The following SUSD5 variants were observed in gnomAD, a reference collection of about 807,000 sequenced individuals.
SUSD5 encodes the protein sushi domain-containing protein 5.
In SUSD5, 33 loss-of-function variants were observed where a neutral mutation model predicts 29.5. The observed-to-expected ratio is 1.12, with a 90% CI of 0.85 to 1.49. The LOEUF (loss-of-function observed/expected upper bound fraction) is 1.49, where lower values mean the gene tolerates loss of function less well. Ranked by LOEUF, SUSD5 falls within the 40% of genes most tolerant of loss-of-function variation. SUSD5 has a pLI of 0.00. For synonymous variants in SUSD5, 308 were observed against 325.3 expected (o/e 0.95, Z 0.57); for missense variants, 776 against 800.6 (o/e 0.97, Z 0.37).
chr3:33,154,108 T>A (rs2030993644), intron 4 of SUSD5, 75 bp from the exon 5 acceptor site: 2 of 1,209,374 alleles, frequency 1.7e-6, no homozygotes, highest in Non-Finnish European at 2.3e-6. Flanking sequence ...AAAAGGAAAT[T>A]AAAAGCATAA....
At chr3:33,195,878 C>T (rs774526598) in intron 3 of SUSD5, among the ~76,000 whole-genome samples, 1 of 152,030 alleles carries the variant, frequency 6.6e-6, no homozygotes, top group Non-Finnish European at 1.5e-5. Context: ...TTATGAGAGA[C>T]CTTAATTTTC....
chr3:33,177,979 G>GA (rs58761242), intron 3 of SUSD5, among the ~76,000 whole-genome samples: 20,033 of 152,026 alleles, frequency 0.13, 1,559 homozygotes, highest in South Asian at 0.25. Flanking sequence ...TTATTTTATT[G>GA]TATTAGCTAG....
At position 33,152,783 on chromosome 3, in the gene SUSD5, C is replaced by T; in HGVS notation, c.1849G>A (p.Ala617Thr). 2 of 1,613,410 alleles carry T rather than the reference C, an allele frequency of 1.2e-6. No individual in the cohort carries two copies. The highest frequency in any genetic ancestry group is 1.7e-6 in the Non-Finnish European group (2 of 1,179,518). Reference sequence around the variant, plus strand: ...TCGATCTGCTGGTGGTAGTGCCGAGCCTGCCGCTGGCCAACATTCAGCTTG... The same window carrying T: ...TCGATCTGCTGGTGGTAGTGCCGAGTCTGCCGCTGGCCAACATTCAGCTTG... ...VYKLNVGQRQ[A>T]RHYHQQIEME... is the part of the protein sequence containing the mutation. Residue 617 changes from alanine (A) to threonine (T), a missense_variant, in exon 5 of 5, where the codon GCT becomes ACT. Transcript: ENST00000309558.
At chr3:33,186,646 T>C (rs113372335) in intron 3 of SUSD5, among the ~76,000 whole-genome samples, 41,243 of 151,892 alleles carry the variant, frequency 0.27, 5,806 homozygotes, top group East Asian at 0.43. Context: ...AGGATGGTCT[T>C]GATCTCTTGA....
rs1468585936 is a variant in SUSD5, at chr3:33,150,329, AATTT to A, written c.*2409_*2412del. 2.6e-5 allele frequency: 4 copies of A among 152,268 alleles called. No individual in the cohort carries two copies. Among genetic ancestry groups the A allele is most frequent in the East Asian group, 1.9e-4 (1 of 5,178 alleles). The allele number at this position is 152,268 out of a possible 1,614,324, so 9.4% of individuals were successfully genotyped here. ...TTACCTGTATTAATAATTTGTAATA[AATTT>A]ATTAATACACTGTATTAATAATTTG... On this transcript the variant is annotated 3_prime_UTR_variant, in exon 5 of 5. Transcript: ENST00000309558.
intron 1 of SUSD5, among the ~76,000 whole-genome samples, chr3:33,214,477 T>C (rs1352906158): frequency 6.6e-6 from 1 of 152,144 alleles, no homozygotes; most frequent in Non-Finnish European, 1.5e-5. Context: ...GGCACTGATT[T>C]AGGCCTCAGC....
At chr3:33,206,635 T>C (rs916437769) in intron 3 of SUSD5, among the ~76,000 whole-genome samples, 1 of 152,026 alleles carries the variant, frequency 6.6e-6, no homozygotes, top group Non-Finnish European at 1.5e-5. Context: ...AGAAGGCTCT[T>C]AGGGTTCACC....
chr3:33,196,104 T>C (rs899387242), intron 3 of SUSD5, among the ~76,000 whole-genome samples: 8 of 152,190 alleles, frequency 5.3e-5, no homozygotes, highest in African/African-American at 1.9e-4. Flanking sequence ...AGACTGATGG[T>C]CTTTTGAATG....
rs1445999094 is a variant in SUSD5, at chr3:33,153,706, T to C, written c.926A>G (p.Glu309Gly). The change falls in exon 5 of 5, where the codon GAG becomes GGG. Residue 309 changes from glutamate to glycine, a missense_variant. Transcript: ENST00000309558. ...CTGCTTTTTGGTGTCATCATCCACC[T>C]CCTTTTCCAACCCAGGCTTGTGGAA... ...EAFHKPGLEK[E>G]VDDDTKKQFS... The C allele has an allele frequency of 6.8e-6, 11 of 1,613,930 alleles. No individual in the cohort carries two copies. The highest frequency in any genetic ancestry group is 9.3e-6 in the Non-Finnish European group (11 of 1,179,888).
intron 3 of SUSD5, among the ~76,000 whole-genome samples, chr3:33,179,222 T>A (rs2031616713): frequency 6.6e-6 from 1 of 152,254 alleles, no homozygotes; most frequent in South Asian, 2.1e-4. Context: ...TATTCCTTTA[T>A]TATCCTTTTA....
rs68055129 is a variant in SUSD5, at chr3:33,183,930, C to CTTTTTTTTTTTT, written c.410-8868_410-8857dup. Among the ~76,000 whole-genome samples, 54 of 62,606 alleles carry CTTTTTTTTTTTT rather than the reference C, an allele frequency of 8.6e-4. 1 individual carries two copies. The highest frequency in any genetic ancestry group is 1.7e-3 in the African/African-American group (23 of 13,316). 41.1% of individuals were successfully genotyped at this position (62,606 alleles called of 152,430 possible). ...AACACTTTAAATATTTTATTACCCT[C>CTTTTTTTTTTTT]TTTTTTTTTTTTTTTTTTTTTTTTT... On this transcript the variant is annotated intron_variant, in intron 3 of 4. Coordinates refer to ENST00000309558, the MANE Select transcript of SUSD5 (RefSeq NM_015551.2).
chr3:33,214,352 GC>G (rs1392873449), intron 1 of SUSD5, among the ~76,000 whole-genome samples: 2 of 126,142 alleles, frequency 1.6e-5, no homozygotes, highest in Non-Finnish European at 3.1e-5. Context: ...ATCTGCTCTG[GC>G]ATGTCGATCT....
At chr3:33,174,844 C>T in intron 4 of SUSD5, 42 bp downstream of exon 4, 6 of 1,606,816 alleles carry the variant, frequency 3.7e-6, no homozygotes, top group Non-Finnish European at 5.1e-6. Flanking sequence ...TCAGCCAGCA[C>T]TGCGTGGGCA....
intron 3 of SUSD5, among the ~76,000 whole-genome samples, chr3:33,202,040 C>T (rs2032129300): frequency 7.2e-6 from 1 of 138,020 alleles, no homozygotes; most frequent in African/African-American, 2.9e-5. Context: ...ATCTATCTAT[C>T]TATCTATCTA....
At chr3:33,202,184 G>C (rs536011974) in intron 3 of SUSD5, among the ~76,000 whole-genome samples, 4 of 152,112 alleles carry the variant, frequency 2.6e-5, no homozygotes. Context: ...CAGGTCCATG[G>C]TAATGAGCTC....
chr3:33,190,348 T>C, intron 3 of SUSD5: 1 of 155,054 alleles, frequency 6.4e-6, no homozygotes, highest in Non-Finnish European at 1.4e-5. Context: ...TTTTTACTCC[T>C]TCAGTTTTTC....
intron 3 of SUSD5, among the ~76,000 whole-genome samples, chr3:33,195,819 A>G (rs2031985060): frequency 6.6e-6 from 1 of 151,816 alleles, no homozygotes; most frequent in Admixed American, 6.6e-5. Context: ...TAAAACATGT[A>G]GAGAACACAA....
chr3:33,168,304 A>G (rs2031348937), intron 4 of SUSD5, among the ~76,000 whole-genome samples: 1 of 152,234 alleles, frequency 6.6e-6, no homozygotes, highest in Admixed American at 6.5e-5. Flanking sequence ...TAAAAAAGAC[A>G]ACCAGACAAG....
rs746462330 is a variant in SUSD5 at position 33,153,847 on chromosome 3, C to T, written c.785G>A (p.Arg262Gln). Residue 262 changes from arginine (R) to glutamine (Q), a missense_variant, in exon 5 of 5, where the codon CGG becomes CAG. Arg to Gln is a conservative substitution (Grantham distance 43). Coordinates refer to ENST00000309558, the MANE Select transcript of SUSD5 (RefSeq NM_015551.2). ...SISVGRENIARDKVFVPTTGL... is the reference protein window; with the variant it reads ...SISVGRENIAQDKVFVPTTGL... ...TGTGGTTGGCACAAAGACTTTATCC[C>T]GGGCTATGTTTTCTCTCCCCACAGA... is the stretch of plus-strand genomic sequence containing the variant. 5.5e-5 allele frequency: 89 copies of T among 1,613,808 alleles called. No individual in the cohort carries two copies. The highest frequency in any genetic ancestry group is 1.6e-4 in the Middle Eastern group (1 of 6,084).
Sources: allele counts gnomAD v4.1 joint callset (sites outside exome capture counted in the v4.1 genomes callset), GRCh38; gene constraint gnomAD v4.1.1; transcripts MANE v1.5; gene names NCBI Gene and HGNC (gene_info 2026-07-23, HGNC 2026-07-21).